The following PRKCG variants were observed in gnomAD, a reference collection of about 807,000 sequenced individuals.
PRKCG encodes the protein protein kinase C gamma.
Under a neutral mutation model 82.0 loss-of-function variants are expected in PRKCG, and 28 were observed. The ratio of observed to expected loss-of-function variants is 0.34; its 90% CI spans 0.25 to 0.47. PRKCG has a LOEUF of 0.47. Among genes scored for constraint, PRKCG ranks in the 20% least tolerant of loss-of-function variants. The probability of loss-of-function intolerance (pLI) is 1.00; values close to 1 mark genes in which losing one functional copy is unlikely to be tolerated. For missense variants in PRKCG, 640 were observed against 952.7 expected (o/e 0.67, Z 4.32); for synonymous variants, 383 against 376.6 (o/e 1.02, Z -0.20).
rs2068599382 is a variant in PRKCG at position 53,882,439 on chromosome 19, C to G, written c.-56C>G. 10 of 1,586,120 alleles carry G rather than the reference C, an allele frequency of 6.3e-6. No homozygotes were observed. The highest frequency in any genetic ancestry group is 7.7e-6 in the Non-Finnish European group (9 of 1,166,330). ...TTCGAGTCTCCAGCTCCTCTCCCTT[C>G]CACCTGTTTCCCCCAAGAAAGGCAG... On this transcript the variant is annotated 5_prime_UTR_variant, in exon 1 of 18. Transcript: ENST00000263431. This position sits in a 1 kb window ranked among gnomAD's most constrained non-coding sequence, Gnocchi z 6.1.
At chr19:53,905,054 C>G (rs2068791724) in intron 16 of PRKCG, among the ~76,000 whole-genome samples, 2 of 152,172 alleles carry the variant, frequency 1.3e-5, no homozygotes, top group Admixed American at 1.3e-4. Flanking sequence ...ACTTCTGCAG[C>G]TTTTCTTCCT....
intron 15 of PRKCG, among the ~76,000 whole-genome samples, chr19:53,904,051 C>T (rs2068783866): frequency 6.6e-6 from 1 of 152,070 alleles, no homozygotes; most frequent in Admixed American, 6.6e-5. Context: ...ACAAGCACTG[C>T]TGCTGCCTGC....
In PRKCG at chr19:53,906,337, G is replaced by T. The variant is rs1304434902; in HGVS notation, c.1785G>T (p.Gly595=). ...ICKGFLTKHP[G]KRLGSGPDGE... ...CACAGTTCCTGACCAAGCACCCAGG[G>T]AAGCGCCTGGGCTCAGGGCCTGATG... is the stretch of plus-strand genomic sequence containing the variant. The change falls in exon 17 of 18, where the codon GGG becomes GGT. Residue 595 remains glycine (G), a synonymous_variant. Coordinates refer to ENST00000263431, the MANE Select transcript of PRKCG (RefSeq NM_002739.5). The T allele has an allele frequency of 6.4e-7, 1 of 1,551,538 alleles. No individual in the cohort carries two copies. The highest frequency in any genetic ancestry group is 8.7e-7 in the Non-Finnish European group (1 of 1,147,040).
Position 53,904,717 on chromosome 19 carries a change from G to A in PRKCG, c.1739G>A (p.Arg580Gln), listed in dbSNP as rs41275818. The A allele has an allele frequency of 3.2e-5, 52 of 1,613,680 alleles. No individual in the cohort carries two copies. Among genetic ancestry groups the A allele is most frequent in the East Asian group, 6.7e-5 (3 of 44,818 alleles). Residue 580 changes from arginine (R) to glutamine (Q), a missense_variant, in exon 16 of 18, where the codon CGG (arginine) becomes CAG (glutamine). Physicochemically the swap from Arg to Gln is conservative, Grantham distance 43. Transcript: ENST00000263431. ...QTVTYPKSLS[R>Q]EAVAICKGFL... ...GTCACCTACCCCAAGTCGCTTTCCC[G>A]GGAAGCCGTGGCCATCTGCAAGGGG...
rs1382993812 is a variant in PRKCG, at chr19:53,898,626, C to G, written c.1279C>G (p.Pro427Ala). ...LTQLHSTFQT[P>A]DRLYFVMEYV... ...CCAGCTCCACTCCACCTTCCAGACC[C>G]CGGTAAGGATGGAGGGGGCGGAGGC... The change falls in exon 11 of 18, where the codon CCG becomes GCG. Residue 427 changes from proline (P) to alanine (A), a missense_variant and splice_region_variant. Around this residue, in one of 7 missense-constraint regions of PRKCG, gnomAD observed 78 missense variants for 105.6 expected, o/e 0.74. Transcript: ENST00000263431. 2 of 1,575,308 alleles carry G rather than the reference C, an allele frequency of 1.3e-6. No homozygotes were observed. The highest frequency in any genetic ancestry group is 3.7e-5 in the Admixed American group (2 of 53,850).
At position 53,892,947 on chromosome 19, in the gene PRKCG, C is replaced by T; in HGVS notation, c.822-41C>T. On this transcript the variant is annotated intron_variant, in intron 7 of 17. Coordinates refer to ENST00000263431, the MANE Select transcript of PRKCG (RefSeq NM_002739.5). The surrounding 1 kb of genome is among the most constrained non-coding windows in gnomAD (Gnocchi z 5.9). ...TGTCTTTGCCTCTCCCATGGGTGCC[C>T]CATCCCCGCTGCCCGCCTCTGGTCT... The T allele has an allele frequency of 1.3e-6, 2 of 1,578,882 alleles. No homozygotes were observed. The highest frequency in any genetic ancestry group is 2.2e-5 in the South Asian group (2 of 90,188).
At chr19:53,890,624 C>T (rs2068667829) in intron 5 of PRKCG, among the ~76,000 whole-genome samples, 1 of 151,652 alleles carries the variant, frequency 6.6e-6, no homozygotes. Context: ...CTCTGTCACC[C>T]AGGCTGGAGT....
In PRKCG at chr19:53,904,674, G is replaced by A; in HGVS notation, c.1696G>A (p.Ala566Thr). Residue 566 changes from alanine to threonine, a missense_variant, in exon 16 of 18, where the codon GCC becomes ACC. By Grantham distance (58) the Ala-to-Thr change is moderately conservative (BLOSUM62 0). Coordinates refer to ENST00000263431, the MANE Select transcript of PRKCG (RefSeq NM_002739.5). ...DGEDEEELFQ[A>T]IMEQTVTYPK... ...GGAGGACGAGGAGGAGCTGTTTCAGGCCATCATGGAACAAACTGTCACCTA... is the reference window on the plus strand; with the variant it reads ...GGAGGACGAGGAGGAGCTGTTTCAGACCATCATGGAACAAACTGTCACCTA... 6.2e-7 allele frequency: 1 copy of A among 1,613,712 alleles called. No individual in the cohort carries two copies. The highest frequency in any genetic ancestry group is 8.5e-7 in the Non-Finnish European group (1 of 1,179,960).
At chr19:53,898,203 C>A in intron 10 of PRKCG, 92 bp downstream of exon 10, 4 of 1,525,248 alleles carry the variant, frequency 2.6e-6, no homozygotes, top group Non-Finnish European at 3.6e-6. Flanking sequence ...TGGGAAGAGA[C>A]TGGGCTCCTG....
chr19:53,893,062 T>A lies in PRKCG; in HGVS notation c.896T>A (p.Leu299His), dbSNP rs769377000. Residue 299 changes from leucine to histidine, a missense_variant, in exon 8 of 18, where the codon CTC (leucine) becomes CAC (histidine). Leu to His is a moderately conservative substitution (Grantham distance 99). This residue lies in a region of PRKCG where 261 missense variants were observed against 312.1 expected (regional missense o/e 0.84). Transcript: ENST00000263431. The part of the protein sequence containing the change: ...PVADADNCSL[L>H]QKFEACNYPL... Reference sequence around the variant, plus strand: ...GCCGATGCTGACAACTGCAGCCTCCTCCAGAAGTTTGAGGTACCCAGACCC... The same window carrying A: ...GCCGATGCTGACAACTGCAGCCTCCACCAGAAGTTTGAGGTACCCAGACCC... 1 of 1,613,884 alleles carries A rather than the reference T, an allele frequency of 6.2e-7. No homozygotes were observed.
intron 3 of PRKCG, among the ~76,000 whole-genome samples, chr19:53,886,392 C>T (rs2068631766): frequency 6.6e-6 from 1 of 152,040 alleles, no homozygotes. Context: ...GCGTGAGCCA[C>T]CGCACCCAGC....
intron 9 of PRKCG, among the ~76,000 whole-genome samples, chr19:53,895,887 G>A (rs183279300): frequency 6.0e-4 from 91 of 152,092 alleles, no homozygotes; most frequent in African/African-American, 1.9e-3. Context: ...GTGAATCCCC[G>A]TCTCTACTAA....
rs2068815054 is a variant in PRKCG, at chr19:53,906,732, A to C, written c.1931A>C (p.Asp644Ala). The C allele has an allele frequency of 6.2e-7, 1 of 1,613,010 alleles. No individual in the cohort carries two copies. Among genetic ancestry groups the C allele is most frequent in the Non-Finnish European group, 8.5e-7 (1 of 1,179,990 alleles). The change falls in exon 18 of 18, where the codon GAC (aspartate) becomes GCC (alanine). Residue 644 changes from aspartate (D) to alanine (A), a missense_variant. Asp to Ala is a moderately radical substitution (Grantham distance 126, BLOSUM62 -2). Coordinates refer to ENST00000263431, the MANE Select transcript of PRKCG (RefSeq NM_002739.5). ...RPCGRSGENF[D>A]KFFTRAAPAL... The stretch of plus-strand genomic sequence containing the variant: ...TGTGGCCGCAGCGGCGAGAACTTTG[A>C]CAAGTTCTTCACGCGGGCGGCGCCA...
At chr19:53,891,646 G>T in intron 5 of PRKCG, 28 bp from the exon 6 acceptor site, 1 of 1,612,474 alleles carries the variant, frequency 6.2e-7, no homozygotes, top group Non-Finnish European at 8.5e-7. Context: ...TCTCTAACCC[G>T]TCACACTCTT....
rs924190011 is a variant in PRKCG, at chr19:53,884,919, CAG to C, written c.285+680_285+681del. ...CCTGTCATCACAGATGTGCAGCACG[CAG>C]AGACACACAGCCTCTCCCCACCCCC... On this transcript the variant is annotated intron_variant, in intron 3 of 17. Coordinates refer to ENST00000263431, the MANE Select transcript of PRKCG (RefSeq NM_002739.5). The surrounding 1 kb of genome is among the most constrained non-coding windows in gnomAD (Gnocchi z 4.6). Among the ~76,000 whole-genome samples the C allele has an allele frequency of 6.6e-6, 1 of 152,226 alleles. No individual in the cohort carries two copies. Among genetic ancestry groups the C allele is most frequent in the African/African-American group, 2.4e-5 (1 of 41,466 alleles).
chr19:53,898,810 A>G (rs1190803192), intron 11 of PRKCG, among the ~76,000 whole-genome samples, 182 bp downstream of exon 11: 1 of 24,280 alleles, frequency 4.1e-5, no homozygotes, highest in Admixed American at 6.4e-4. Context: ...GGGCGTGGCC[A>G]GGCGAAGGGA....
intron 16 of PRKCG, 122 bp downstream of exon 16, chr19:53,904,864 G>C (rs1430238813): frequency 1.2e-6 from 1 of 818,282 alleles, no homozygotes; most frequent in Non-Finnish European, 2.1e-6. Flanking sequence ...TGTTGGAAAA[G>C]TTGATATGAT....
At position 53,900,549 on chromosome 19, in the gene PRKCG, G is replaced by A. The variant is rs2068755898; in HGVS notation, c.1437-62G>A. 2 of 1,614,044 alleles carry A rather than the reference G, an allele frequency of 1.2e-6. No individual in the cohort carries two copies. The highest frequency in any genetic ancestry group is 2.2e-5 in the East Asian group (1 of 44,892). On this transcript the variant is annotated intron_variant, in intron 13 of 17. Coordinates refer to ENST00000263431, the MANE Select transcript of PRKCG (RefSeq NM_002739.5). The surrounding 1 kb of genome is among the most constrained non-coding windows in gnomAD (Gnocchi z 4.2). ...GGAAGGGAAGGGATTTGAATATGTG[G>A]CTCTAGACTGCTGAACTCAACACTT...
intron 11 of PRKCG, 118 bp downstream of exon 11, chr19:53,898,746 C>A: frequency 2.3e-6 from 1 of 436,672 alleles, no homozygotes. Flanking sequence ...TCTGAGTGGG[C>A]GAGGCCAGGC....
Sources: gnomAD v4.1 joint callset for allele counts (sites outside exome capture counted in the v4.1 genomes callset) on GRCh38, gnomAD v4.1.1 for gene constraint, gnomAD v4.1.1 regional missense constraint, Gnocchi (gnomAD v3.1) non-coding constraint, MANE v1.5 for transcripts, NCBI Gene and HGNC (gene_info 2026-07-23, HGNC 2026-07-21) for gene names.